The following XYLT1 variants were observed in gnomAD, a reference collection of about 807,000 sequenced individuals.
XYLT1 encodes the protein xylosyltransferase 1.
A neutral mutation model predicts 91.3 loss-of-function variants in XYLT1; 36 were observed. The ratio of observed to expected loss-of-function variants is 0.39; its 90% confidence interval spans 0.30 to 0.52. The LOEUF is 0.52. Among genes scored for constraint, XYLT1 ranks in the 20% least tolerant of loss-of-function variants. The probability of loss-of-function intolerance (pLI) is 0.68; values close to 1 mark genes in which losing one functional copy is unlikely to be tolerated. For synonymous variants in XYLT1, 588 were observed against 532.0 expected (o/e 1.11, Z -1.45); for missense variants, 1,242 against 1,284.5 (o/e 0.97, Z 0.51).
intron 1 of XYLT1, among the ~76,000 whole-genome samples, chr16:17,412,170 A>C (rs72783523): frequency 0.14 from 20,715 of 152,096 alleles, 1,812 homozygotes; most frequent in Admixed American, 0.26. Flanking sequence ...AATGGCCCCC[A>C]AAAACGCTCC....
At chr16:17,389,554 C>G (rs989070667) in intron 1 of XYLT1, among the ~76,000 whole-genome samples, 1 of 152,166 alleles carries the variant, frequency 6.6e-6, no homozygotes, top group South Asian at 2.1e-4. Flanking sequence ...GTTTAGCCAG[C>G]CAGGCATAGA....
At chr16:17,342,359 T>TA (rs1023705449) in intron 2 of XYLT1, among the ~76,000 whole-genome samples, 3 of 152,106 alleles carry the variant, frequency 2.0e-5, no homozygotes, top group African/African-American at 7.2e-5. Context: ...CAACTGGCCT[T>TA]ACCTAGCCCA....
intron 3 of XYLT1, among the ~76,000 whole-genome samples, chr16:17,246,364 A>G (rs931974934): frequency 1.3e-5 from 2 of 152,226 alleles, no homozygotes; most frequent in African/African-American, 2.4e-5. Flanking sequence ...ATGGAGAGTA[A>G]CAAGTATCAA....
rs1042405222 is a variant in XYLT1, at chr16:17,131,582, A to C, written c.2027+2891T>G. 2.0e-5 allele frequency among the ~76,000 whole-genome samples: 3 copies of C among 152,320 alleles called. No individual in the cohort carries two copies. The East Asian group carries it at 5.8e-4, about 29-fold the overall frequency. ...CCCCGGAGGGCATTTGGGGACCTGC[A>C]ATAAAATGCTGACATCCTTATTTCT... is the stretch of plus-strand genomic sequence containing the variant. On this transcript the variant is annotated intron_variant, in intron 9 of 11. Coordinates refer to ENST00000261381, the MANE Select transcript of XYLT1 (RefSeq NM_022166.4).
chr16:17,291,646 C>A (rs1596468161), intron 2 of XYLT1, among the ~76,000 whole-genome samples: 1 of 152,122 alleles, frequency 6.6e-6, no homozygotes, highest in African/African-American at 2.4e-5. Flanking sequence ...CTGAGGACCT[C>A]ACACTTAGAA....
chr16:17,315,573 A>G (rs145886729), intron 2 of XYLT1, among the ~76,000 whole-genome samples: 25 of 152,256 alleles, frequency 1.6e-4, no homozygotes, highest in African/African-American at 6.0e-4. Context: ...CAGGATGTCT[A>G]TTATTCTAGG....
intron 1 of XYLT1, among the ~76,000 whole-genome samples, chr16:17,402,148 C>A (rs142774975): frequency 1.6e-3 from 187 of 117,146 alleles, no homozygotes; most frequent in South Asian, 3.9e-3. Context: ...AAAAAAAAAA[C>A]ACACACACAC....
chr16:17,157,417 C>T (rs1339886344), intron 6 of XYLT1, among the ~76,000 whole-genome samples: 2 of 152,040 alleles, frequency 1.3e-5, no homozygotes, highest in Non-Finnish European at 2.9e-5. Context: ...GGTCGGGGGC[C>T]AGGTTGGGGA....
chr16:17,371,568 T>C (rs1482044545), intron 1 of XYLT1, among the ~76,000 whole-genome samples: 1 of 152,222 alleles, frequency 6.6e-6, no homozygotes, highest in African/African-American at 2.4e-5. Flanking sequence ...CTTTATAGGA[T>C]ATGTAGCATA....
Position 17,367,133 on chromosome 16 carries a change from C to T in XYLT1, c.364-9083G>A, listed in dbSNP as rs567556493. ...CACTGACTGAGATGTTCTACCAGAG[C>T]CCGGCTCAGTCCTGACAGAGTGGGT... On this transcript the variant is annotated intron_variant, in intron 1 of 11. Coordinates refer to ENST00000261381, the MANE Select transcript of XYLT1 (RefSeq NM_022166.4). 2.0e-5 allele frequency among the ~76,000 whole-genome samples: 3 copies of T among 152,304 alleles called. No homozygotes were observed. The South Asian group carries it at 6.2e-4, about 32-fold the overall frequency.
intron 3 of XYLT1, among the ~76,000 whole-genome samples, chr16:17,218,217 C>T (rs1009311291): frequency 1.3e-5 from 2 of 152,004 alleles, no homozygotes; most frequent in Admixed American, 6.5e-5. Context: ...AAAATCACAC[C>T]ACTGCGCTCC....
At chr16:17,409,707 G>A (rs548663980) in intron 1 of XYLT1, among the ~76,000 whole-genome samples, 27 of 151,826 alleles carry the variant, frequency 1.8e-4, no homozygotes, top group Non-Finnish European at 3.2e-4. Flanking sequence ...CCGCCACCAC[G>A]TCCGACTAAT....
intron 1 of XYLT1, among the ~76,000 whole-genome samples, chr16:17,446,805 C>T (rs898921083): frequency 7.3e-5 from 11 of 151,642 alleles, no homozygotes; most frequent in African/African-American, 2.7e-4. Context: ...CAGCGGGGAA[C>T]AGCCCAACCC....
chr16:17,339,420 T>C (rs923894868), intron 2 of XYLT1, among the ~76,000 whole-genome samples: 2 of 152,200 alleles, frequency 1.3e-5, no homozygotes, highest in East Asian at 3.8e-4. Flanking sequence ...TCTCCAAATA[T>C]TGTTTATACT....
At chr16:17,319,007 C>G (rs924092824) in intron 2 of XYLT1, among the ~76,000 whole-genome samples, 3 of 152,032 alleles carry the variant, frequency 2.0e-5, no homozygotes, top group African/African-American at 7.2e-5. Flanking sequence ...TGGCTGGTCT[C>G]AAACTCCTAA....
At chr16:17,325,379 C>T (rs530012091) in intron 2 of XYLT1, among the ~76,000 whole-genome samples, 6 of 152,194 alleles carry the variant, frequency 3.9e-5, no homozygotes, top group Non-Finnish European at 5.9e-5. Flanking sequence ...CTAGCCTGGG[C>T]GACAGAGCGA....
intron 1 of XYLT1, among the ~76,000 whole-genome samples, chr16:17,410,464 T>C (rs1251856552): frequency 6.6e-6 from 1 of 152,076 alleles, no homozygotes; most frequent in Non-Finnish European, 1.5e-5. Flanking sequence ...AATTTCCCTT[T>C]TCAAAACCAT....
intron 2 of XYLT1, among the ~76,000 whole-genome samples, chr16:17,347,392 T>A (rs994780819): frequency 2.6e-5 from 4 of 152,020 alleles, no homozygotes; most frequent in Non-Finnish European, 4.4e-5. Flanking sequence ...CAGAGGAGTA[T>A]GAATGAATGA....
chr16:17,141,416 A>G (rs377052955), intron 6 of XYLT1, 47 bp from the exon 7 acceptor site: 2 of 1,573,160 alleles, frequency 1.3e-6, no homozygotes, highest in East Asian at 4.5e-5. Flanking sequence ...CCTGAAAGAC[A>G]GAACTCCAGC....
Sources: allele counts gnomAD v4.1 joint callset (sites outside exome capture counted in the v4.1 genomes callset), GRCh38; gene constraint gnomAD v4.1.1; transcripts MANE v1.5; gene names NCBI Gene and HGNC (gene_info 2026-07-23, HGNC 2026-07-21).